The following AQP7 variants were observed in gnomAD, a reference collection of about 807,000 sequenced individuals.
AQP7 encodes the protein aquaporin-7.
A neutral mutation model predicts 26.1 loss-of-function variants in AQP7; 22 were observed. That is an observed-to-expected ratio of 0.84 (90% CI 0.60 to 1.20). The LOEUF (loss-of-function observed/expected upper bound fraction) is 1.20, where lower values mean the gene tolerates loss of function less well. Ranked by LOEUF, AQP7 falls within the 50% of genes most tolerant of loss-of-function variation. The probability of loss-of-function intolerance (pLI) is 0.00; values close to 1 mark genes in which losing one functional copy is unlikely to be tolerated. For synonymous variants in AQP7, 167 were observed against 181.7 expected (o/e 0.92, Z 0.65); for missense variants, 412 against 457.5 (o/e 0.90, Z 0.91).
At chr9:33,392,479 A>C (rs1825498237) in intron 3 of AQP7, among the ~76,000 whole-genome samples, 1 of 152,058 alleles carries the variant, frequency 6.6e-6, no homozygotes, top group Non-Finnish European at 1.5e-5. Flanking sequence ...GCTGCACGTA[A>C]GGGGCTTAGC....
At chr9:33,396,164 C>T (rs1825831216) in intron 2 of AQP7, among the ~76,000 whole-genome samples, 1 of 151,940 alleles carries the variant, frequency 6.6e-6, no homozygotes, top group Non-Finnish European at 1.5e-5. Flanking sequence ...GGGGCTGGGC[C>T]CGGTGGCTCA....
chr9:33,387,384 T>C lies in AQP7; in HGVS notation c.145-292A>G, dbSNP rs1021057945. ...TCAGCCCCAGGCCCACCTGAAGTTT[T>C]GGGGTGAGGCAGGGCTGCGAGGAGG... On this transcript the variant is annotated intron_variant, in intron 3 of 7. Coordinates refer to ENST00000297988, the MANE Select transcript of AQP7 (RefSeq NM_001170.3). Among the ~76,000 whole-genome samples the C allele has an allele frequency of 1.2e-4, 18 of 152,112 alleles. 1 individual carries two copies. Among genetic ancestry groups the C allele is most frequent in the African/African-American group, 2.4e-5 (1 of 41,422 alleles).
intron 2 of AQP7, among the ~76,000 whole-genome samples, chr9:33,397,129 ATAAT>A (rs1332912711): frequency 2.0e-5 from 3 of 151,716 alleles, no homozygotes; most frequent in African/African-American, 7.3e-5. Flanking sequence ...AGCTTGATTA[ATAAT>A]TAATTAACGG....
Position 33,398,257 on chromosome 9 carries a change from G to A in AQP7, c.26+2980C>T, listed in dbSNP as rs1825993259. Among the ~76,000 whole-genome samples, 5 of 151,804 alleles carry A rather than the reference G, an allele frequency of 3.3e-5. 1 individual carries two copies. The South Asian group carries it at 6.3e-4, about 19-fold the overall frequency. Reference sequence around the variant, plus strand: ...CAATGTGCAGGAATGGGCTGGCCACGGAGGAGTGGAGGTGGCATGAGATGG... The same window carrying A: ...CAATGTGCAGGAATGGGCTGGCCACAGAGGAGTGGAGGTGGCATGAGATGG... On this transcript the variant is annotated intron_variant, in intron 2 of 7. Coordinates refer to ENST00000297988, the MANE Select transcript of AQP7 (RefSeq NM_001170.3).
In AQP7 at chr9:33,384,615, A is replaced by C. The variant is rs1824570502; in HGVS notation, c.*390T>G. 6.0e-6 allele frequency: 1 copy of C among 165,410 alleles called. No homozygotes were observed. The highest frequency in any genetic ancestry group is 2.4e-5 in the African/African-American group (1 of 41,910). 10.2% of individuals were successfully genotyped at this position (165,410 alleles called of 1,614,324 possible). On this transcript the variant is annotated 3_prime_UTR_variant, in exon 8 of 8. Transcript: ENST00000297988. ...CCAGAACTCAGGGAAGGGAAGAACC[A>C]GGGGAGAGTCTAGAGTCCAATCTCA...
intron 3 of AQP7, among the ~76,000 whole-genome samples, chr9:33,388,628 TC>T (rs1825093986): frequency 6.6e-6 from 1 of 152,216 alleles, no homozygotes; most frequent in African/African-American, 2.4e-5. Context: ...GTTATACTGA[TC>T]ACCTCCTTTA....
In AQP7 at chr9:33,386,498, C is replaced by T. The variant is rs1306284183; in HGVS notation, c.312G>A (p.Leu104=). The change falls in exon 5 of 8, where the codon CTG becomes CTA. Residue 104 remains leucine (L), a synonymous_variant. Coordinates refer to ENST00000297988, the MANE Select transcript of AQP7 (RefSeq NM_001170.3). The part of the protein sequence containing the change: ...NAAVTFANCA[L]GRVPWRKFPV... ...GAAACTTCCTCCAGGGCACGCGGCC[C>T]AGCGCACAGTTAGCAAAGGTCACAG... The T allele has an allele frequency of 6.2e-7, 1 of 1,612,602 alleles. No homozygotes were observed. Among genetic ancestry groups the T allele is most frequent in the South Asian group, 1.1e-5 (1 of 90,656 alleles).
In AQP7 at chr9:33,384,909, A is replaced by G; in HGVS notation, c.*96T>C. The G allele has an allele frequency of 1.4e-6, 2 of 1,421,368 alleles. No homozygotes were observed. Among genetic ancestry groups the G allele is most frequent in the Non-Finnish European group, 1.9e-6 (2 of 1,042,238 alleles). 88.0% of individuals were successfully genotyped at this position (1,421,368 alleles called of 1,614,324 possible). A position where few individuals can be genotyped will look rare whatever the true frequency, so the allele number is the denominator to read the frequency against. On this transcript the variant is annotated 3_prime_UTR_variant, in exon 8 of 8. Coordinates refer to ENST00000297988, the MANE Select transcript of AQP7 (RefSeq NM_001170.3). ...GAGCTCCTGTAAGAACCCAGGAGGGAAGCCCAACCACAGGAGGCCCCCAGG... is the reference window on the plus strand; with the variant it reads ...GAGCTCCTGTAAGAACCCAGGAGGGGAGCCCAACCACAGGAGGCCCCCAGG...
Position 33,390,797 on chromosome 9 carries a change from A to G in AQP7, c.145-3705T>C, listed in dbSNP as rs1825319012. Reference sequence around the variant, plus strand: ...GCCCCCATGGCCTTTCCCCCATTCCAATACCATGTGCTAAAAATACTGGAT... The same window carrying G: ...GCCCCCATGGCCTTTCCCCCATTCCGATACCATGTGCTAAAAATACTGGAT... On this transcript the variant is annotated intron_variant, in intron 3 of 7. Coordinates refer to ENST00000297988, the MANE Select transcript of AQP7 (RefSeq NM_001170.3). Among the ~76,000 whole-genome samples the G allele has an allele frequency of 2.6e-5, 4 of 152,330 alleles. 1 individual carries two copies. In the South Asian group the frequency reaches 6.2e-4, roughly 24 times the overall value.
chr9:33,385,927 A>G, intron 6 of AQP7, 61 bp from the exon 7 acceptor site: 1 of 1,568,490 alleles, frequency 6.4e-7, no homozygotes, highest in Non-Finnish European at 8.7e-7. Context: ...GGACCTCGGC[A>G]GTGCCCCAGA....
intron 3 of AQP7, chr9:33,394,381 T>G (rs558242876): frequency 2.6e-5 from 4 of 151,730 alleles, no homozygotes; most frequent in Non-Finnish European, 5.9e-5. Context: ...AAAACCCAAA[T>G]CTGATCATGT....
In AQP7 at chr9:33,386,032, A is replaced by T. The variant is rs747565825; in HGVS notation, c.525+45T>A. The T allele has an allele frequency of 3.1e-6, 5 of 1,610,354 alleles. No individual in the cohort carries two copies. In the Admixed American group the frequency reaches 8.3e-5, roughly 27 times the overall value. ...GGGACTCCCTGCTGGCTCCGTCCTGAGGGGTGGAGGGCAGGGGGAGGGATA... is the reference window on the plus strand; with the variant it reads ...GGGACTCCCTGCTGGCTCCGTCCTGTGGGGTGGAGGGCAGGGGGAGGGATA... On this transcript the variant is annotated intron_variant, in intron 6 of 7. Coordinates refer to ENST00000297988, the MANE Select transcript of AQP7 (RefSeq NM_001170.3).
At chr9:33,385,384 A>G (rs1824650537) in intron 7 of AQP7, 94 bp from the exon 8 acceptor site, 2 of 1,422,582 alleles carry the variant, frequency 1.4e-6, no homozygotes, top group Non-Finnish European at 1.9e-6. Context: ...CAGAGGAGTC[A>G]TCCCCAGGCT....
chr9:33,396,146 G>A (rs1825829730), intron 2 of AQP7, among the ~76,000 whole-genome samples: 1 of 152,152 alleles, frequency 6.6e-6, no homozygotes, highest in Admixed American at 6.5e-5. Flanking sequence ...GGATAAAGAG[G>A]AAGAAGAGGG....
chr9:33,393,631 G>A lies in AQP7; in HGVS notation c.144+1447C>T, dbSNP rs12552638. ...TGGCTACAGTCACGTTAAGGGCAGA[G>A]GCTCGCTGGGGTAAGTGGCAGGGCT... On this transcript the variant is annotated intron_variant, in intron 3 of 7. Transcript: ENST00000297988. 5.3e-5 allele frequency among the ~76,000 whole-genome samples: 8 copies of A among 152,348 alleles called. 1 individual carries two copies. In the South Asian group the frequency reaches 1.7e-3, roughly 32 times the overall value.
In AQP7 at chr9:33,395,210, C is replaced by A. The variant is rs748672713; in HGVS notation, c.27-15G>T. 1.9e-6 allele frequency: 3 copies of A among 1,602,676 alleles called. No individual in the cohort carries two copies. The highest frequency in any genetic ancestry group is 2.2e-5 in the East Asian group (1 of 44,820). ...CACGGGTGGACCTAAGACAGTGGCC[C>A]GAGCCCATGGACAGAAAGGAGACTC... On this transcript the variant is annotated splice_polypyrimidine_tract_variant and intron_variant, in intron 2 of 7. Transcript: ENST00000297988.
chr9:33,388,894 T>C (rs759763286), intron 3 of AQP7, among the ~76,000 whole-genome samples: 13 of 152,320 alleles, frequency 8.5e-5, no homozygotes, highest in Middle Eastern at 6.8e-3. Flanking sequence ...TTTTGCTCTA[T>C]CACCCAGGCT....
rs1177178947 is a variant in AQP7, at chr9:33,385,128, G to T, written c.906C>A (p.Pro302=). ...AYEDHGITVL[P]KMGSHEPTIS... ...TCGTGGGTTCATGAGATCCCATCTT[G>T]GGCAATACGGTTATCCCGTGGTCTT... Residue 302 remains proline, a synonymous_variant, in exon 8 of 8, where the codon CCC becomes CCA. Transcript: ENST00000297988. 1.9e-6 allele frequency: 3 copies of T among 1,611,808 alleles called. No individual in the cohort carries two copies. Among genetic ancestry groups the T allele is most frequent in the Non-Finnish European group, 2.5e-6 (3 of 1,179,854 alleles).
rs201415718 is a variant in AQP7 at position 33,386,093 on chromosome 9, C to T, written c.509G>A (p.Arg170Gln). The T allele has an allele frequency of 2.7e-5, 43 of 1,613,472 alleles. No individual in the cohort carries two copies. The highest frequency in any genetic ancestry group is 4.5e-5 in the East Asian group (2 of 44,886). The change falls in exon 6 of 8, where the codon CGG (arginine) becomes CAG (glutamine). Residue 170 changes from arginine (R) to glutamine (Q), a missense_variant. By Grantham distance (43) the Arg-to-Gln change is conservative. Transcript: ENST00000297988. ...TYLPDHMTLW[R>Q]GFLNEAWLTG... Reference sequence around the variant, plus strand: ...ACCACTGACCTCATTCAGGAAGCCCCGCCACAATGTCATGTGATCAGGAAG... The same window carrying T: ...ACCACTGACCTCATTCAGGAAGCCCTGCCACAATGTCATGTGATCAGGAAG...
Sources: gnomAD v4.1 joint callset for allele counts (sites outside exome capture counted in the v4.1 genomes callset) on GRCh38, gnomAD v4.1.1 for gene constraint, MANE v1.5 for transcripts, NCBI Gene and HGNC (gene_info 2026-07-23, HGNC 2026-07-21) for gene names.